The following FAF1 variants were observed in gnomAD, a reference collection of about 807,000 sequenced individuals.
The protein encoded by FAF1 is FAS-associated factor 1.
FAF1 carries 25 observed loss-of-function variants against 92.5 expected under a neutral mutation model. The observed-to-expected ratio is 0.27, with a 90% CI of 0.20 to 0.38. The LOEUF is 0.38. Ranked by LOEUF, FAF1 falls within the 10% of genes least tolerant of loss-of-function variation. The pLI, the probability that FAF1 is intolerant of heterozygous loss-of-function variation, is 1.00. For synonymous variants in FAF1, 234 were observed against 273.2 expected, an observed-to-expected ratio of 0.86 and a Z score of 1.42; for missense variants, 636 against 793.3, an observed-to-expected ratio of 0.80 and a Z score of 2.38.
chr1:50,755,259 C>G (rs1660029952), intron 4 of FAF1, among the ~76,000 whole-genome samples: 2 of 152,180 alleles, frequency 1.3e-5, no homozygotes, highest in African/African-American at 2.4e-5. Flanking sequence ...TAAATACACC[C>G]ATTCCAAAGG....
chr1:50,934,742 GA>G (rs1645073315), intron 1 of FAF1, among the ~76,000 whole-genome samples: 2 of 152,174 alleles, frequency 1.3e-5, no homozygotes, highest in Non-Finnish European at 2.9e-5. Context: ...ATAAGTGACT[GA>G]AAAAATTTTA....
chr1:50,795,451 A>C (rs1450784010), intron 3 of FAF1, among the ~76,000 whole-genome samples: 1 of 152,216 alleles, frequency 6.6e-6, no homozygotes, highest in African/African-American at 2.4e-5. Flanking sequence ...CACTGGGATC[A>C]TCGTGTATGC....
chr1:50,511,778 T>C (rs1647137781), intron 15 of FAF1, among the ~76,000 whole-genome samples: 2 of 152,318 alleles, frequency 1.3e-5, no homozygotes, highest in Non-Finnish European at 2.9e-5. Flanking sequence ...GACTGCTGGG[T>C]CAAATGGTAT....
At chr1:50,495,420 T>C (rs1378804269) in intron 15 of FAF1, among the ~76,000 whole-genome samples, 3 of 152,236 alleles carry the variant, frequency 2.0e-5, no homozygotes, top group African/African-American at 7.2e-5. Context: ...ATTCCATCCA[T>C]GTTGTTGCAA....
At chr1:50,460,601 ATGTGTG>A (rs761777414) in intron 18 of FAF1, among the ~76,000 whole-genome samples, 2 of 149,506 alleles carry the variant, frequency 1.3e-5, no homozygotes, top group African/African-American at 4.9e-5. Flanking sequence ...ATGTATATAT[ATGTGTG>A]TGTGTGTGTG....
In FAF1 at chr1:50,872,077, A is replaced by AG. The variant is rs547009744; in HGVS notation, c.46-14081_46-14080insC. 5.3e-4 allele frequency among the ~76,000 whole-genome samples: 81 copies of AG among 152,018 alleles called. No individual in the cohort carries two copies. In the South Asian group the frequency reaches 0.015, roughly 29 times the overall value. ...CAGACTCCATCTCAAAAAAAAAAAA[A>AG]AAAAAGAAAAAGAAAATACATTTCA... On this transcript the variant is annotated intron_variant, in intron 1 of 18. Coordinates refer to ENST00000396153, the MANE Select transcript of FAF1 (RefSeq NM_007051.3).
intron 6 of FAF1, among the ~76,000 whole-genome samples, chr1:50,725,332 C>T (rs1658601089): frequency 6.6e-6 from 1 of 152,176 alleles, no homozygotes; most frequent in African/African-American, 2.4e-5. Context: ...TCTTGACTTA[C>T]TACTCCTCAA....
At chr1:50,621,564 A>AT (rs1348870035) in intron 8 of FAF1, among the ~76,000 whole-genome samples, 3 of 150,380 alleles carry the variant, frequency 2.0e-5, no homozygotes, top group Non-Finnish European at 3.0e-5. Flanking sequence ...CACACAGTTA[A>AT]TTTTTTTGTA....
intron 4 of FAF1, among the ~76,000 whole-genome samples, chr1:50,758,679 T>C (rs1168526732): frequency 1.3e-5 from 2 of 152,330 alleles, no homozygotes; most frequent in East Asian, 1.9e-4. Flanking sequence ...GTGCTTACTT[T>C]AACATCTCTT....
At chr1:50,452,159 C>T (rs766072253) in intron 18 of FAF1, 8 of 1,347,980 alleles carry the variant, frequency 5.9e-6, no homozygotes, top group Non-Finnish European at 7.8e-6. Flanking sequence ...AGAACGAGAA[C>T]AGGCATGTTT....
At chr1:50,851,904 G>A (rs554491953) in intron 2 of FAF1, among the ~76,000 whole-genome samples, 8 of 151,746 alleles carry the variant, frequency 5.3e-5, no homozygotes, top group African/African-American at 9.7e-5. Flanking sequence ...GATTTTCCTC[G>A]GAAAGGTAAA....
chr1:50,516,073 C>A (rs1287809308), intron 15 of FAF1, among the ~76,000 whole-genome samples: 1 of 152,134 alleles, frequency 6.6e-6, no homozygotes, highest in East Asian at 1.9e-4. Flanking sequence ...CAAGTGGCTA[C>A]TAACTGAAGT....
At chr1:50,712,660 GAA>G (rs200407686) in intron 6 of FAF1, among the ~76,000 whole-genome samples, 1 of 149,920 alleles carries the variant, frequency 6.7e-6, no homozygotes, top group African/African-American at 2.5e-5. Context: ...TGTTGTAAAA[GAA>G]AAAAAAATGC....
chr1:50,456,487 T>A (rs1308846886), intron 18 of FAF1, among the ~76,000 whole-genome samples: 1 of 152,152 alleles, frequency 6.6e-6, no homozygotes, highest in Non-Finnish European at 1.5e-5. Context: ...GTCACTATAA[T>A]GTGGCCTCTC....
At chr1:50,827,309 C>T (rs1168803001) in intron 2 of FAF1, among the ~76,000 whole-genome samples, 1 of 152,194 alleles carries the variant, frequency 6.6e-6, no homozygotes, top group African/African-American at 2.4e-5. Flanking sequence ...CCTTGGGAGG[C>T]TGTTAATCTA....
chr1:50,466,109 A>ATCCC (rs1646491866), intron 18 of FAF1, among the ~76,000 whole-genome samples: 1 of 152,226 alleles, frequency 6.6e-6, no homozygotes, highest in Admixed American at 6.5e-5. Flanking sequence ...AGAGGCCAGT[A>ATCCC]GGATATCATT....
At chr1:50,464,411 T>C (rs1032250988) in intron 18 of FAF1, among the ~76,000 whole-genome samples, 25 of 152,164 alleles carry the variant, frequency 1.6e-4, no homozygotes, top group African/African-American at 6.0e-4. Flanking sequence ...AAGGCCCCCC[T>C]AATAGTTGGT....
chr1:50,753,815 T>C (rs1165566953), intron 4 of FAF1, among the ~76,000 whole-genome samples: 1 of 150,944 alleles, frequency 6.6e-6, no homozygotes, highest in African/African-American at 2.4e-5. Flanking sequence ...TGGAGTGTAG[T>C]GGTGCGATCT....
intron 15 of FAF1, among the ~76,000 whole-genome samples, chr1:50,520,138 CTT>C (rs1019291297): frequency 3.3e-5 from 5 of 152,146 alleles, no homozygotes; most frequent in African/African-American, 1.2e-4. Context: ...CTTAAGAAGT[CTT>C]GTTTGTGTCA....
Sources: allele counts gnomAD v4.1 joint callset (sites outside exome capture counted in the v4.1 genomes callset), GRCh38; gene constraint gnomAD v4.1.1; transcripts MANE v1.5; gene names NCBI Gene and HGNC (gene_info 2026-07-23, HGNC 2026-07-21).